The following TBL1X variants were observed in gnomAD, a reference collection of about 807,000 sequenced individuals.
TBL1X encodes the protein transducin beta like 1 X-linked.
TBL1X carries 10 observed loss-of-function variants against 50.7 expected under a neutral mutation model. The observed-to-expected ratio is 0.20, with a 90% CI of 0.12 to 0.33. TBL1X has a LOEUF of 0.33. Ranked by LOEUF, TBL1X falls within the 10% of genes least tolerant of loss-of-function variation. The pLI is 1.00. For synonymous variants in TBL1X, 190 were observed against 214.7 expected, an observed-to-expected ratio of 0.88 and a Z score of 1.01; for missense variants, 340 against 504.4, an observed-to-expected ratio of 0.67 and a Z score of 3.12.
At position 9,682,629 on chromosome X, in the gene TBL1X, T is replaced by G. The variant is rs747022180; in HGVS notation, c.212-1414T>G. Among the ~76,000 whole-genome samples, 3 of 111,784 alleles carry G rather than the reference T, an allele frequency of 2.7e-5. No individual in the cohort carries two copies. The South Asian group carries it at 1.1e-3, about 42-fold the overall frequency. ...CCCATCTGGTGAGCGTTTTGTTTAT[T>G]GCAAGGTCAGTTTGCATTTGGATAA... On this transcript the variant is annotated intron_variant, in intron 5 of 17. Transcript: ENST00000645353.
At chrX:9,654,046 A>G (rs1410129170) in intron 4 of TBL1X, among the ~76,000 whole-genome samples, 169 bp from the exon 5 acceptor site, 2 of 111,242 alleles carry the variant, frequency 1.8e-5, no homozygotes, top group African/African-American at 3.3e-5. Context: ...TTTTCTATCT[A>G]TAATTACGGA....
chrX:9,581,412 T>G (rs781276977), intron 2 of TBL1X, among the ~76,000 whole-genome samples: 2 of 111,800 alleles, frequency 1.8e-5, no homozygotes, highest in African/African-American at 6.5e-5. Flanking sequence ...AGCCCACAGT[T>G]CAGGCATGGC....
intron 3 of TBL1X, among the ~76,000 whole-genome samples, chrX:9,648,589 A>G (rs1011417987): frequency 3.6e-5 from 4 of 112,290 alleles, no homozygotes; most frequent in African/African-American, 1.3e-4. Context: ...TGTCTCCATC[A>G]GTCAAGAATT....
At chrX:9,577,498 T>A (rs1218374636) in intron 2 of TBL1X, among the ~76,000 whole-genome samples, 1 of 111,508 alleles carries the variant, frequency 9.0e-6, no homozygotes, top group African/African-American at 3.3e-5. Context: ...TGACTTTGTA[T>A]CCTCCCCACC....
intron 2 of TBL1X, among the ~76,000 whole-genome samples, chrX:9,574,132 CT>C (rs907276904): frequency 2.7e-5 from 3 of 110,879 alleles, no homozygotes; most frequent in African/African-American, 9.9e-5. Flanking sequence ...GCCTGGACCT[CT>C]GGTGAGTTCA....
Position 9,717,889 on chromosome X carries a change from G to T in TBL1X, c.*1643G>T, listed in dbSNP as rs1404672352. On this transcript the variant is annotated 3_prime_UTR_variant, in exon 18 of 18. Coordinates refer to ENST00000645353, the MANE Select transcript of TBL1X (RefSeq NM_005647.4). Reference sequence around the variant, plus strand: ...AATTTCTTTGTCTCACAGAAGACTAGGAGAAAGATCTTTTTTAAATAATCT... The same window carrying T: ...AATTTCTTTGTCTCACAGAAGACTATGAGAAAGATCTTTTTTAAATAATCT... 2 of 112,216 alleles carry T rather than the reference G, an allele frequency of 1.8e-5. No individual in the cohort carries two copies. 9.2% of individuals were successfully genotyped at this position (112,216 alleles called of 1,213,427 possible).
intron 2 of TBL1X, among the ~76,000 whole-genome samples, chrX:9,523,685 C>T (rs1056684824): frequency 8.9e-6 from 1 of 112,407 alleles, no homozygotes; most frequent in African/African-American, 3.2e-5. Flanking sequence ...GCGCAAACTC[C>T]TTGTGCCTGA....
chrX:9,506,110 C>A (rs894828560), intron 2 of TBL1X, among the ~76,000 whole-genome samples: 1 of 112,385 alleles, frequency 8.9e-6, no homozygotes, highest in Admixed American at 9.4e-5. Context: ...TCTCTCAGAC[C>A]ACAGTGCAAT....
intron 2 of TBL1X, among the ~76,000 whole-genome samples, chrX:9,571,642 C>T (rs1014396274): frequency 1.8e-5 from 2 of 111,899 alleles, no homozygotes; most frequent in African/African-American, 6.5e-5. Context: ...TAAGTACACT[C>T]ACGTTACTGT....
intron 2 of TBL1X, among the ~76,000 whole-genome samples, chrX:9,629,644 T>C (rs1186224293): frequency 9.0e-6 from 1 of 111,562 alleles, no homozygotes; most frequent in Admixed American, 9.5e-5. Context: ...GCCTGGCTCA[T>C]GTACTTGTTC....
At chrX:9,513,592 G>A (rs1254170905) in intron 2 of TBL1X, among the ~76,000 whole-genome samples, 1 of 111,495 alleles carries the variant, frequency 9.0e-6, no homozygotes, top group African/African-American at 3.3e-5. Context: ...ACAGATGTTT[G>A]TTCCCTGGAC....
At chrX:9,486,029 G>A (rs1211528184) in intron 1 of TBL1X, among the ~76,000 whole-genome samples, 3 of 111,054 alleles carry the variant, frequency 2.7e-5, no homozygotes, top group African/African-American at 9.8e-5. Context: ...GGCATGACAG[G>A]AAGGGGGTTT....
intron 2 of TBL1X, among the ~76,000 whole-genome samples, chrX:9,613,397 A>G (rs2082623386): frequency 9.0e-6 from 1 of 111,511 alleles, no homozygotes; most frequent in Non-Finnish European, 1.9e-5. Flanking sequence ...CTTTTAATTA[A>G]TTTAAATTTA....
intron 2 of TBL1X, among the ~76,000 whole-genome samples, chrX:9,556,199 A>G (rs72612803): frequency 1.9e-5 from 2 of 103,792 alleles, no homozygotes; most frequent in African/African-American, 7.0e-5. Flanking sequence ...CAAAAAAAAA[A>G]CAAAACAAAA....
chrX:9,714,786 C>T (rs2083268143), intron 16 of TBL1X, 116 bp from the exon 17 acceptor site: 1 of 746,843 alleles, frequency 1.3e-6, no homozygotes, highest in Non-Finnish European at 2.0e-6. Flanking sequence ...CCTTAAATTT[C>T]ACCATGCTTG....
intron 2 of TBL1X, among the ~76,000 whole-genome samples, chrX:9,598,775 C>G (rs1188232671): frequency 1.8e-5 from 2 of 111,232 alleles, no homozygotes; most frequent in Non-Finnish European, 3.8e-5. Context: ...CAGGATCTGT[C>G]CTGTGCCCAT....
Position 9,688,146 on chromosome X carries a change from G to T in TBL1X, c.487G>T (p.Ala163Ser), listed in dbSNP as rs756320286. The change falls in exon 7 of 18, where the codon GCG (alanine) becomes TCG (serine). Residue 163 changes from alanine (A) to serine (S), a missense_variant. Around this residue, in one of 6 missense-constraint regions of TBL1X, gnomAD observed 99 missense variants for 93.3 expected, o/e 1.06. Transcript: ENST00000645353. Reference sequence around the variant, plus strand: ...CGCTCAGCAGCAAGCCAGTGCGGCGGCGGCGGCGGCTGCGGCCACGGCAGC... The same window carrying T: ...CGCTCAGCAGCAAGCCAGTGCGGCGTCGGCGGCGGCTGCGGCCACGGCAGC... Reference protein sequence around the residue: ...KLAQQQASAAAAAAAATAAAT... With the variant: ...KLAQQQASAASAAAAATAAAT... 4 of 1,198,809 alleles carry T rather than the reference G, an allele frequency of 3.3e-6. No homozygotes were observed. The African/African-American group carries it at 7.0e-5, about 21-fold the overall frequency.
chrX:9,681,447 AAC>A (rs1256131869), intron 5 of TBL1X, among the ~76,000 whole-genome samples: 1 of 112,463 alleles, frequency 8.9e-6, no homozygotes, highest in Non-Finnish European at 1.9e-5. Context: ...GTGAAACAAA[AAC>A]AGTACCAACT....
chrX:9,716,638 G>GA lies in TBL1X; in HGVS notation c.*392_*393insA, dbSNP rs2083280331. 1 of 113,640 alleles carries GA rather than the reference G, an allele frequency of 8.8e-6. No individual in the cohort carries two copies. Among genetic ancestry groups the GA allele is most frequent in the African/African-American group, 3.9e-5 (1 of 25,714 alleles). The allele number at this position is 113,640 out of a possible 1,213,427, so 9.4% of individuals were successfully genotyped here. A position where few individuals can be genotyped will look rare whatever the true frequency, so the allele number is the denominator to read the frequency against. On this transcript the variant is annotated 3_prime_UTR_variant, in exon 18 of 18. Transcript: ENST00000645353. ...CTGTGATAAACCAAACAGGGAAGGG[G>GA]GAAAAACCCTCCTCCTTGGGATTTT...
Sources: allele counts gnomAD v4.1 joint callset (sites outside exome capture counted in the v4.1 genomes callset), GRCh38; gene constraint gnomAD v4.1.1; regional missense constraint gnomAD v4.1.1; transcripts MANE v1.5; gene names NCBI Gene and HGNC (gene_info 2026-07-23, HGNC 2026-07-21).